The following IQSEC3 variants were observed in gnomAD, a reference collection of about 807,000 sequenced individuals.
IQSEC3 encodes IQ motif and SEC7 domain-containing protein 3.
In IQSEC3, 50 loss-of-function variants were observed where a neutral mutation model predicts 105.4. That is an observed-to-expected ratio of 0.47 (90% CI 0.38 to 0.60). The LOEUF (loss-of-function observed/expected upper bound fraction) is 0.60, where lower values mean the gene tolerates loss of function less well. Among genes scored for constraint, IQSEC3 ranks in the 20% least tolerant of loss-of-function variants. The probability of loss-of-function intolerance (pLI) is 0.00; values close to 1 mark genes in which losing one functional copy is unlikely to be tolerated. For synonymous variants in IQSEC3, 708 were observed against 746.0 expected, an observed-to-expected ratio of 0.95 and a Z score of 0.83; for missense variants, 1,415 against 1,630.0, an observed-to-expected ratio of 0.87 and a Z score of 2.27.
intron 9 of IQSEC3, among the ~76,000 whole-genome samples, chr12:164,321 C>T (rs1266123968): frequency 6.6e-6 from 1 of 152,144 alleles, no homozygotes; most frequent in African/African-American, 2.4e-5. Flanking sequence ...ATTCAGTGAA[C>T]CACATCAGCC....
chr12:133,224 G>A (rs1030405793), intron 3 of IQSEC3, among the ~76,000 whole-genome samples: 1 of 152,304 alleles, frequency 6.6e-6, no homozygotes, highest in East Asian at 1.9e-4. Flanking sequence ...CACCCATCAC[G>A]GGCTCCTCTG....
Position 107,700 on chromosome 12 carries a change from G to A in IQSEC3, c.623+8486G>A, listed in dbSNP as rs536669480. On this transcript the variant is annotated intron_variant, in intron 2 of 13. Coordinates refer to ENST00000538872, the MANE Select transcript of IQSEC3 (RefSeq NM_001170738.2). ...GCTGGGATTACAGGCGTGAGCCACC[G>A]CGCCCGGCCGGTAGTCTGTTTTCTA... Among the ~76,000 whole-genome samples the A allele has an allele frequency of 3.2e-4, 48 of 152,216 alleles. No individual in the cohort carries two copies. In the South Asian group the frequency reaches 8.9e-3, roughly 28 times the overall value.
intron 5 of IQSEC3, among the ~76,000 whole-genome samples, chr12:154,085 T>G (rs1866599864): frequency 6.6e-6 from 1 of 152,204 alleles, no homozygotes; most frequent in African/African-American, 2.4e-5. Context: ...CCTGCAGCCC[T>G]CCCCGCTTCG....
At chr12:120,781 G>C (rs877478) in intron 2 of IQSEC3, among the ~76,000 whole-genome samples, 57,290 of 152,008 alleles carry the variant, frequency 0.38, 10,861 homozygotes, top group South Asian at 0.41. Context: ...TGGAATGACT[G>C]TTGATGCACT....
rs375335467 is a variant in IQSEC3 at position 177,494 on chromosome 12, G to A, written c.*2461G>A. Reference sequence around the variant, plus strand: ...CTCAGTGCCCCTGCCCCAGGGCAGAGGCCCACCCCGTGGGTTGGTGCAGTG... The same window carrying A: ...CTCAGTGCCCCTGCCCCAGGGCAGAAGCCCACCCCGTGGGTTGGTGCAGTG... On this transcript the variant is annotated 3_prime_UTR_variant, in exon 14 of 14. Coordinates refer to ENST00000538872, the MANE Select transcript of IQSEC3 (RefSeq NM_001170738.2). This position sits in a 1 kb window ranked among gnomAD's most constrained non-coding sequence, Gnocchi z 5.3. 2.0e-5 allele frequency: 3 copies of A among 152,312 alleles called. No homozygotes were observed. The highest frequency in any genetic ancestry group is 7.2e-5 in the African/African-American group (3 of 41,448). The allele number at this position is 152,312 out of a possible 1,614,324, so 9.4% of individuals were successfully genotyped here. A position where few individuals can be genotyped will look rare whatever the true frequency, so the allele number is the denominator to read the frequency against.
chr12:83,320 C>G (rs1256393074), intron 1 of IQSEC3, among the ~76,000 whole-genome samples: 1 of 152,114 alleles, frequency 6.6e-6, no homozygotes, highest in Non-Finnish European at 1.5e-5. Flanking sequence ...GAACAAAGCC[C>G]CTGCCGTCAT....
intron 1 of IQSEC3, among the ~76,000 whole-genome samples, chr12:94,765 C>G (rs957206054): frequency 2.6e-5 from 4 of 152,260 alleles, no homozygotes; most frequent in Admixed American, 1.3e-4. Context: ...CTCTGGGAAA[C>G]AGGGGCAGGA....
chr12:141,158 C>A lies in IQSEC3; in HGVS notation c.2026C>A (p.Arg676Ser), dbSNP rs139440816. Residue 676 changes from arginine to serine, a missense_variant, in exon 5 of 14, where the codon CGC (arginine) becomes AGC (serine). By Grantham distance (110) the Arg-to-Ser change is moderately radical (BLOSUM62 -1). This residue lies in a region of IQSEC3 where 213 missense variants were observed against 306.2 expected (regional missense o/e 0.70). Transcript: ENST00000538872. The part of the protein sequence containing the change: ...PDKGIQFLIS[R>S]GFIPDTPIGV... Reference sequence around the variant, plus strand: ...CAAGGGCATCCAGTTCCTGATCTCACGCGGCTTCATCCCGGACACCCCCAT... The same window carrying A: ...CAAGGGCATCCAGTTCCTGATCTCAAGCGGCTTCATCCCGGACACCCCCAT... 9.4e-6 allele frequency: 15 copies of A among 1,596,070 alleles called. No homozygotes were observed. In the Admixed American group the frequency reaches 2.4e-4, roughly 25 times the overall value.
intron 1 of IQSEC3, among the ~76,000 whole-genome samples, chr12:70,032 G>T (rs1416218791): frequency 6.6e-6 from 1 of 152,264 alleles, no homozygotes; most frequent in East Asian, 1.9e-4. Flanking sequence ...TGCTGAAGCG[G>T]GAGGAAGAGA....
chr12:146,726 G>T (rs1555091176), intron 5 of IQSEC3, among the ~76,000 whole-genome samples: 2 of 152,008 alleles, frequency 1.3e-5, no homozygotes, highest in African/African-American at 4.8e-5. Context: ...GAGGGAGGAG[G>T]AAGAAAGAGA....
intron 1 of IQSEC3, among the ~76,000 whole-genome samples, chr12:98,114 C>T (rs1864296326): frequency 6.6e-6 from 1 of 152,318 alleles, no homozygotes; most frequent in Admixed American, 6.5e-5. Flanking sequence ...CCAGGTTTGA[C>T]ATTCTCTGAC....
chr12:123,460 A>T (rs74055566), intron 2 of IQSEC3, among the ~76,000 whole-genome samples: 4,522 of 152,286 alleles, frequency 0.03, 237 homozygotes, highest in African/African-American at 0.1. Flanking sequence ...TAATAATTTT[A>T]AAAAAGACAT....
At position 175,035 on chromosome 12, in the gene IQSEC3, C is replaced by T; in HGVS notation, c.*2C>T. Reference sequence around the variant, plus strand: ...AGTGGCTCAAGGAGCCTGGTGTAGACTCTGCCCCACCACCCTGCTGTCCTG... The same window carrying T: ...AGTGGCTCAAGGAGCCTGGTGTAGATTCTGCCCCACCACCCTGCTGTCCTG... On this transcript the variant is annotated 3_prime_UTR_variant, in exon 14 of 14. Transcript: ENST00000538872. 6.6e-7 allele frequency: 1 copy of T among 1,519,024 alleles called. No individual in the cohort carries two copies. Among genetic ancestry groups the T allele is most frequent in the Non-Finnish European group, 8.8e-7 (1 of 1,138,618 alleles). 94.1% of individuals were successfully genotyped at this position (1,519,024 alleles called of 1,614,324 possible).
intron 1 of IQSEC3, among the ~76,000 whole-genome samples, chr12:67,754 T>A (rs1321167423): frequency 2.1e-5 from 3 of 146,014 alleles, no homozygotes; most frequent in Non-Finnish European, 4.4e-5. Context: ...GGGTTGAAGT[T>A]CGAGTGAAGA....
chr12:125,121 G>A (rs1318469083), intron 2 of IQSEC3, among the ~76,000 whole-genome samples: 1 of 135,378 alleles, frequency 7.4e-6, no homozygotes, highest in Non-Finnish European at 1.6e-5. Flanking sequence ...CCAGCCACCT[G>A]AGCCTGTGCC....
At chr12:145,901 GA>G (rs1437117906) in intron 5 of IQSEC3, among the ~76,000 whole-genome samples, 1 of 152,228 alleles carries the variant, frequency 6.6e-6, no homozygotes, top group Non-Finnish European at 1.5e-5. Context: ...TGCACGTGGA[GA>G]GCATTGGTGT....
intron 1 of IQSEC3, among the ~76,000 whole-genome samples, chr12:85,915 T>C (rs1488869144): frequency 1.3e-5 from 2 of 152,206 alleles, no homozygotes; most frequent in African/African-American, 4.8e-5. Flanking sequence ...TGTGCACACT[T>C]AATCCCCCAT....
At chr12:83,938 C>T (rs782745135) in intron 1 of IQSEC3, among the ~76,000 whole-genome samples, 7 of 152,146 alleles carry the variant, frequency 4.6e-5, no homozygotes, top group Non-Finnish European at 8.8e-5. Flanking sequence ...ATGGTACTGA[C>T]GGGAAGATAT....
chr12:103,313 G>A (rs982925125), intron 2 of IQSEC3, among the ~76,000 whole-genome samples: 5 of 149,830 alleles, frequency 3.3e-5, no homozygotes, highest in Non-Finnish European at 7.4e-5. Context: ...AATGGGAGGA[G>A]GCGGCTGTGG....
Sources: allele counts gnomAD v4.1 joint callset (sites outside exome capture counted in the v4.1 genomes callset), GRCh38; gene constraint gnomAD v4.1.1; regional missense constraint gnomAD v4.1.1; non-coding constraint Gnocchi (gnomAD v3.1); transcripts MANE v1.5; gene names NCBI Gene and HGNC (gene_info 2026-07-23, HGNC 2026-07-21).